The following JAK1 variants were observed in gnomAD, a reference collection of about 807,000 sequenced individuals.
JAK1 encodes the protein Janus kinase 1, also known as tyrosine-protein kinase JAK1.
In JAK1, 16 loss-of-function variants were observed where a neutral mutation model predicts 136.6. The ratio of observed to expected loss-of-function variants is 0.12; its 90% confidence interval spans 0.08 to 0.18. The LOEUF is 0.18. JAK1 is among the 10% of genes least tolerant of loss of function. The pLI is 1.00. For synonymous variants in JAK1, 492 were observed against 519.5 expected, an observed-to-expected ratio of 0.95 and a Z score of 0.72; for missense variants, 859 against 1,450.1, an observed-to-expected ratio of 0.59 and a Z score of 6.62.
chr1:64,868,839 G>A (rs761487381), intron 6 of JAK1, among the ~76,000 whole-genome samples: 14 of 152,182 alleles, frequency 9.2e-5, no homozygotes, highest in Non-Finnish European at 1.9e-4. Context: ...ATTTTCTTGA[G>A]ATATTTAATA....
chr1:64,882,766 A>AG (rs879394287), intron 3 of JAK1, among the ~76,000 whole-genome samples: 5 of 152,178 alleles, frequency 3.3e-5, no homozygotes, highest in Non-Finnish European at 7.3e-5. Flanking sequence ...CTAAGCCACA[A>AG]AGCAACACTC....
rs1013242887 is a variant in JAK1, at chr1:64,984,114, A to G, written c.-78+60366T>C. ...TATTTGGCAAAATTACACTTAAAAC[A>G]TAATATTTATGTAATTAAACCAGGA... On this transcript the variant is annotated intron_variant, in intron 2 of 25. Transcript: ENST00000671954. This position sits in a 1 kb window ranked among gnomAD's most constrained non-coding sequence, Gnocchi z 4.1. Among the ~76,000 whole-genome samples the G allele has an allele frequency of 1.3e-5, 2 of 152,268 alleles. No homozygotes were observed. The highest frequency in any genetic ancestry group is 2.9e-5 in the Non-Finnish European group (2 of 68,048).
rs114973396 is a variant in JAK1 at position 64,879,653 on chromosome 1, G to A, written c.206-505C>T. 9.4e-3 allele frequency among the ~76,000 whole-genome samples: 1,425 copies of A among 152,280 alleles called. 27 individuals carry two copies. The highest frequency in any genetic ancestry group is 0.033 in the African/African-American group (1,365 of 41,544). On this transcript the variant is annotated intron_variant, in intron 3 of 24. Transcript: ENST00000342505. The stretch of plus-strand genomic sequence containing the variant: ...GCAGTAGTATGCAAAATGCATATTA[G>A]AATAAATAATAACCAAAGTGATTTT...
At chr1:64,836,882 AG>A (rs1378254594) in intron 22 of JAK1, among the ~76,000 whole-genome samples, 8 of 152,058 alleles carry the variant, frequency 5.3e-5, no homozygotes, top group Non-Finnish European at 1.5e-5. Context: ...TTTAAAACAA[AG>A]TCTCCCTCCT....
intron 2 of JAK1, chr1:65,003,733 T>C (rs1269933829): frequency 7.1e-6 from 1 of 141,456 alleles, no homozygotes; most frequent in Non-Finnish European, 1.5e-5. Context: ...TTCCCCTCTT[T>C]ATGAAAAAAA....
chr1:65,039,126 T>C (rs770682008), intron 2 of JAK1, among the ~76,000 whole-genome samples: 1 of 152,192 alleles, frequency 6.6e-6, no homozygotes, highest in Non-Finnish European at 1.5e-5. Flanking sequence ...ATTAACCTCA[T>C]CTGATAGTTT....
At chr1:65,035,116 A>G (rs1647061719) in intron 2 of JAK1, among the ~76,000 whole-genome samples, 2 of 152,256 alleles carry the variant, frequency 1.3e-5, no homozygotes, top group South Asian at 4.1e-4. Context: ...TAGTAATGCC[A>G]TTTGTTTCCA....
intron 20 of JAK1, 91 bp downstream of exon 20, chr1:64,839,512 T>A (rs1654754613): frequency 1.8e-6 from 2 of 1,105,512 alleles, no homozygotes; most frequent in East Asian, 5.0e-5. Context: ...GACGCCCAGG[T>A]AAGGCCACGG....
At chr1:65,016,103 TA>T (rs375273886) in intron 2 of JAK1, among the ~76,000 whole-genome samples, 4 of 152,246 alleles carry the variant, frequency 2.6e-5, no homozygotes, top group African/African-American at 9.6e-5. Flanking sequence ...AAAGGACAAA[TA>T]TTGTATAACT....
chr1:64,888,927 T>C (rs924565696), intron 1 of JAK1, among the ~76,000 whole-genome samples: 1 of 152,212 alleles, frequency 6.6e-6, no homozygotes, highest in African/African-American at 2.4e-5. Flanking sequence ...AACACCCACA[T>C]AGCACTTAGA....
chr1:65,021,531 A>G (rs1463797712), intron 2 of JAK1, among the ~76,000 whole-genome samples: 2 of 152,148 alleles, frequency 1.3e-5, no homozygotes. Context: ...CGTGTAGGAT[A>G]TGAGGCATTG....
At chr1:64,934,431 G>T (rs1295800018) in intron 1 of JAK1, among the ~76,000 whole-genome samples, 1 of 152,190 alleles carries the variant, frequency 6.6e-6, no homozygotes, top group Non-Finnish European at 1.5e-5. Context: ...ACTGGGAGAC[G>T]TGGCATCACT....
chr1:64,928,206 G>T (rs545983696), intron 1 of JAK1, among the ~76,000 whole-genome samples: 6 of 152,282 alleles, frequency 3.9e-5, no homozygotes, highest in Admixed American at 1.3e-4. Flanking sequence ...AAAACAGGGA[G>T]GGGTAGCTGG....
chr1:64,957,262 T>C (rs968211959), intron 1 of JAK1, among the ~76,000 whole-genome samples: 2 of 152,068 alleles, frequency 1.3e-5, no homozygotes, highest in African/African-American at 2.4e-5. Flanking sequence ...GGGACACAAA[T>C]CTCATCATGT....
intron 4 of JAK1, among the ~76,000 whole-genome samples, chr1:64,878,277 GT>G (rs1470457619): frequency 2.6e-5 from 4 of 152,150 alleles, no homozygotes; most frequent in Non-Finnish European, 5.9e-5. Flanking sequence ...GAACAAATAT[GT>G]TTACAAACTC....
At chr1:64,839,521 G>A (rs968851569) in intron 20 of JAK1, 82 bp downstream of exon 20, 40 of 1,226,456 alleles carry the variant, frequency 3.3e-5, no homozygotes, top group Middle Eastern at 4.0e-4. Flanking sequence ...GTAAGGCCAC[G>A]GAGTGCCTGT....
chr1:64,920,415 C>T (rs1180173314), intron 1 of JAK1, among the ~76,000 whole-genome samples: 1 of 152,026 alleles, frequency 6.6e-6, no homozygotes, highest in Non-Finnish European at 1.5e-5. Context: ...TGGCACATAC[C>T]TGTAGTCCCA....
chr1:64,885,985 T>C (rs894144177), intron 2 of JAK1, among the ~76,000 whole-genome samples: 2 of 152,224 alleles, frequency 1.3e-5, no homozygotes, highest in Admixed American at 6.5e-5. Flanking sequence ...CACATGCATA[T>C]TAAAATCTAG....
intron 1 of JAK1, among the ~76,000 whole-genome samples, chr1:64,937,886 T>TC (rs1249861046): frequency 6.6e-6 from 1 of 151,654 alleles, no homozygotes; most frequent in East Asian, 1.9e-4. Context: ...GTCAAAATCT[T>TC]CTTTTTTTTT....
Sources: gnomAD v4.1 joint callset for allele counts (sites outside exome capture counted in the v4.1 genomes callset) on GRCh38, gnomAD v4.1.1 for gene constraint, Gnocchi (gnomAD v3.1) non-coding constraint, MANE v1.5 for transcripts, NCBI Gene and HGNC (gene_info 2026-07-23, HGNC 2026-07-21) for gene names.